IRS1: variants seen among roughly 807,000 people sequenced by gnomAD.
IRS1 encodes the protein insulin receptor substrate 1.
In IRS1, 34 loss-of-function variants were observed where a neutral mutation model predicts 65.6. That is an observed-to-expected ratio of 0.52 (90% CI 0.39 to 0.69). The LOEUF (loss-of-function observed/expected upper bound fraction) is 0.69, where lower values mean the gene tolerates loss of function less well. Among genes scored for constraint, IRS1 ranks in the 30% least tolerant of loss-of-function variants. IRS1 has a pLI of 0.00. For synonymous variants in IRS1, 699 were observed against 683.5 expected (o/e 1.02, Z -0.35); for missense variants, 1,641 against 1,720.2 (o/e 0.95, Z 0.81).
intron 1 of IRS1, among the ~76,000 whole-genome samples, chr2:226,753,862 T>A (rs1324944743): frequency 6.6e-6 from 1 of 152,184 alleles, no homozygotes; most frequent in Non-Finnish European, 1.5e-5. Flanking sequence ...ATTGATTGAT[T>A]GATTGATTAA....
chr2:226,777,367 G>A (rs554378669), intron 1 of IRS1, among the ~76,000 whole-genome samples: 1 of 152,128 alleles, frequency 6.6e-6, no homozygotes, highest in Non-Finnish European at 1.5e-5. Context: ...ACAAGCTTAG[G>A]TGACTATATA....
In IRS1 at chr2:226,734,066, C is replaced by G. The variant is rs1293772154; in HGVS notation, c.*2206G>C. 1 of 152,040 alleles carries G rather than the reference C, an allele frequency of 6.6e-6. No individual in the cohort carries two copies. The highest frequency in any genetic ancestry group is 1.5e-5 in the Non-Finnish European group (1 of 68,008). The allele number at this position is 152,040 out of a possible 1,614,324, so 9.4% of individuals were successfully genotyped here. A position where few individuals can be genotyped will look rare whatever the true frequency, so the allele number is the denominator to read the frequency against. ...TTTACAGGAAAATGGTTGGGAGTGA[C>G]TTTGTTCATTGATTTCTCTTTAACT... On this transcript the variant is annotated 3_prime_UTR_variant, in exon 2 of 2. Transcript: ENST00000305123.
chr2:226,742,728 G>GAA (rs1938464331), intron 1 of IRS1, among the ~76,000 whole-genome samples: 1 of 137,554 alleles, frequency 7.3e-6, no homozygotes, highest in Admixed American at 7.7e-5. Context: ...AAAAAAAAAA[G>GAA]AAGACCGAAA....
chr2:226,797,795 C>T lies in IRS1; in HGVS notation c.944G>A (p.Ser315Asn). The T allele has an allele frequency of 1.3e-6, 2 of 1,597,744 alleles. No individual in the cohort carries two copies. The highest frequency in any genetic ancestry group is 8.5e-7 in the Non-Finnish European group (1 of 1,173,760). ...GGAGCCTGGCTTCCCGCCCACCATG[C>T]TGGCCGGGGAGGTGGCGGTGATGCT... is the stretch of plus-strand genomic sequence containing the variant. ...TESITATSPA[S>N]MVGGKPGSFR... Residue 315 changes from serine (S) to asparagine (N), a missense_variant, in exon 1 of 2, where the codon AGC (serine) becomes AAC (asparagine). Ser to Asn is a conservative substitution (Grantham distance 46). Transcript: ENST00000305123. The surrounding 1 kb of genome is among the most constrained non-coding windows in gnomAD (Gnocchi z 8.1).
intron 1 of IRS1, among the ~76,000 whole-genome samples, chr2:226,751,381 T>A (rs1938678083): frequency 6.7e-6 from 1 of 149,434 alleles, no homozygotes; most frequent in African/African-American, 2.5e-5. Flanking sequence ...CCTCCCGGGT[T>A]CCCGGCATTC....
chr2:226,777,723 C>T (rs1939301204), intron 1 of IRS1, among the ~76,000 whole-genome samples: 1 of 152,200 alleles, frequency 6.6e-6, no homozygotes, highest in Admixed American at 6.5e-5. Flanking sequence ...CACAAGCTCT[C>T]TTTTTGCCTG....
chr2:226,771,314 G>T (rs988856921), intron 1 of IRS1, among the ~76,000 whole-genome samples: 1 of 152,108 alleles, frequency 6.6e-6, no homozygotes, highest in African/African-American at 2.4e-5. Flanking sequence ...GGTATCAGCC[G>T]GCTGTCCGGT....
At chr2:226,761,841 C>G (rs542583912) in intron 1 of IRS1, among the ~76,000 whole-genome samples, 1 of 152,134 alleles carries the variant, frequency 6.6e-6, no homozygotes, top group Non-Finnish European at 1.5e-5. Context: ...CATGACAAAG[C>G]CATAAGTACA....
intron 1 of IRS1, among the ~76,000 whole-genome samples, chr2:226,760,898 C>A: frequency 6.6e-6 from 1 of 152,160 alleles, no homozygotes; most frequent in Non-Finnish European, 1.5e-5. Flanking sequence ...GTCCAAAGTG[C>A]TATCTTTTGC....
At chr2:226,750,397 G>T (rs1210623079) in intron 1 of IRS1, among the ~76,000 whole-genome samples, 1 of 151,854 alleles carries the variant, frequency 6.6e-6, no homozygotes, top group African/African-American at 2.4e-5. Flanking sequence ...GAAACAGAAA[G>T]ATCCTAACAA....
intron 1 of IRS1, among the ~76,000 whole-genome samples, chr2:226,743,172 A>G (rs1938473426): frequency 6.7e-6 from 1 of 149,122 alleles, no homozygotes; most frequent in South Asian, 2.1e-4. Flanking sequence ...AAAAAAAACA[A>G]AAAAAAAAAG....
rs73083632 is a variant in IRS1, at chr2:226,774,349, G to T, written c.*21+20640C>A. 3.4e-3 allele frequency among the ~76,000 whole-genome samples: 525 copies of T among 152,226 alleles called. 3 individuals carry two copies. The highest frequency in any genetic ancestry group is 0.012 in the African/African-American group (483 of 41,540). On this transcript the variant is annotated intron_variant, in intron 1 of 1. Transcript: ENST00000305123. The stretch of plus-strand genomic sequence containing the variant: ...TGATGATCACAGTGGTTCCAAGGTG[G>T]TACATAACCTATAAAGTTCTGTCTC...
At position 226,796,626 on chromosome 2, in the gene IRS1, C is replaced by G; in HGVS notation, c.2113G>C (p.Gly705Arg). 2 of 1,613,930 alleles carry G rather than the reference C, an allele frequency of 1.2e-6. No homozygotes were observed. Among genetic ancestry groups the G allele is most frequent in the Non-Finnish European group, 1.7e-6 (2 of 1,179,894 alleles). The change falls in exon 1 of 2, where the codon GGC (glycine) becomes CGC (arginine). Residue 705 changes from glycine (G) to arginine (R), a missense_variant. Physicochemically the swap from Gly to Arg is moderately radical, Grantham distance 125. Around this residue, in one of 3 missense-constraint regions of IRS1, gnomAD observed 1,324 missense variants for 1,361.0 expected, o/e 0.97. Transcript: ENST00000305123. ...YGKLWTNGVG[G>R]HHSHVLPHPK... ...TGAGGCAAGACATGAGAGTGGTGGC[C>G]CCCTACCCCGTTTGTCCACAGCTTT...
Position 226,735,527 on chromosome 2 carries a change from G to A in IRS1, c.*745C>T, listed in dbSNP as rs1938308671. ...AAGATTAATTCTTATAAGGAACTCA[G>A]CTCAACATCAGGTTTATATGACAAG... On this transcript the variant is annotated 3_prime_UTR_variant, in exon 2 of 2. Coordinates refer to ENST00000305123, the MANE Select transcript of IRS1 (RefSeq NM_005544.3). 2.0e-5 allele frequency: 3 copies of A among 152,540 alleles called. No homozygotes were observed. In the South Asian group the frequency reaches 6.2e-4, roughly 32 times the overall value. The allele number at this position is 152,540 out of a possible 1,614,324, so 9.4% of individuals were successfully genotyped here. A position where few individuals can be genotyped will look rare whatever the true frequency, so the allele number is the denominator to read the frequency against.
chr2:226,741,032 A>T (rs1219851872), intron 1 of IRS1, among the ~76,000 whole-genome samples: 1 of 152,206 alleles, frequency 6.6e-6, no homozygotes, highest in East Asian at 1.9e-4. Flanking sequence ...ATAATACAGA[A>T]AATGTATAAA....
rs1939693137 is a variant in IRS1 at position 226,795,371 on chromosome 2, GC to G, written c.3367del (p.Ala1123GlnfsTer3). 6.2e-7 allele frequency: 1 copy of G among 1,612,958 alleles called. No individual in the cohort carries two copies. The highest frequency in any genetic ancestry group is 8.5e-7 in the Non-Finnish European group (1 of 1,179,954). On this transcript the variant is annotated frameshift_variant, in exon 1 of 2. Coordinates refer to ENST00000305123, the MANE Select transcript of IRS1 (RefSeq NM_005544.3). LOFTEE classifies it high-confidence loss of function. Reference protein sequence around the residue: ...VGNTVPFGAGAAVGGGGGSSS... With the variant: ...VGNTVPFGAGXAVGGGGGSSS... Reference sequence around the variant, plus strand: ...GCTACCGCCACCGCCCCCTACTGCTGCCCCCGCTCCAAAGGGCACTGTGTTG... The same window carrying G: ...GCTACCGCCACCGCCCCCTACTGCTGCCCCGCTCCAAAGGGCACTGTGTTG...
chr2:226,766,167 T>A (rs866841199), intron 1 of IRS1, among the ~76,000 whole-genome samples: 115 of 25,414 alleles, frequency 4.5e-3, no homozygotes, highest in African/African-American at 5.4e-3. Context: ...ATATATATTT[T>A]TTTTTTTTTT....
At chr2:226,741,497 A>T (rs978888462) in intron 1 of IRS1, among the ~76,000 whole-genome samples, 1 of 152,154 alleles carries the variant, frequency 6.6e-6, no homozygotes, top group Non-Finnish European at 1.5e-5. Context: ...TCCCTTCATG[A>T]GAGCAGAGGG....
chr2:226,741,836 A>G (rs1289841314), intron 1 of IRS1, among the ~76,000 whole-genome samples: 1 of 149,352 alleles, frequency 6.7e-6, no homozygotes, highest in Non-Finnish European at 1.5e-5. Flanking sequence ...CATAACACAC[A>G]CACACATATT....
Sources: allele counts gnomAD v4.1 joint callset (sites outside exome capture counted in the v4.1 genomes callset), GRCh38; gene constraint gnomAD v4.1.1; regional missense constraint gnomAD v4.1.1; non-coding constraint Gnocchi (gnomAD v3.1); transcripts MANE v1.5; gene names NCBI Gene and HGNC (gene_info 2026-07-23, HGNC 2026-07-21).